Variants in IGF1R observed in about 807,000 individuals in gnomAD.
IGF1R encodes the protein insulin-like growth factor 1 receptor.
In IGF1R, 44 loss-of-function variants were observed where a neutral mutation model predicts 144.6. The observed-to-expected ratio is 0.30, with a 90% CI of 0.24 to 0.39. The LOEUF is 0.39. IGF1R is among the 10% of genes least tolerant of loss of function. The pLI is 1.00. For missense variants in IGF1R, 1,355 were observed against 1,833.7 expected, an observed-to-expected ratio of 0.74 and a Z score of 4.77; for synonymous variants, 795 against 722.8, an observed-to-expected ratio of 1.10 and a Z score of -1.60.
At chr15:98,791,957 A>G (rs1224914964) in intron 2 of IGF1R, among the ~76,000 whole-genome samples, 1 of 152,224 alleles carries the variant, frequency 6.6e-6, no homozygotes, top group African/African-American at 2.4e-5. Context: ...CAATCTAGCT[A>G]TAGGTCCTCA....
At chr15:98,829,526 G>A (rs992061208) in intron 2 of IGF1R, among the ~76,000 whole-genome samples, 2 of 152,158 alleles carry the variant, frequency 1.3e-5, no homozygotes, top group African/African-American at 2.4e-5. Flanking sequence ...TTCAGAGTGC[G>A]GGTCTGTGGG....
At chr15:98,725,163 G>C (rs1041985339) in intron 2 of IGF1R, among the ~76,000 whole-genome samples, 1 of 152,158 alleles carries the variant, frequency 6.6e-6, no homozygotes, top group African/African-American at 2.4e-5. Context: ...GAGGGGATTC[G>C]TGCAGTTTGC....
chr15:98,962,003 C>G lies in IGF1R; in HGVS notation c.*4561C>G. The G allele has an allele frequency of 4.3e-6, 1 of 233,298 alleles. No homozygotes were observed. 14.5% of individuals were successfully genotyped at this position (233,298 alleles called of 1,614,324 possible). ...GCTTTGGGATAAAAGATTTATGAGC[C>G]AACTATTCTCTGGCACCAGATTCTA... On this transcript the variant is annotated 3_prime_UTR_variant, in exon 21 of 21. Coordinates refer to ENST00000650285, the MANE Select transcript of IGF1R (RefSeq NM_000875.5).
chr15:98,700,356 G>A (rs990869639), intron 1 of IGF1R, among the ~76,000 whole-genome samples: 1 of 152,116 alleles, frequency 6.6e-6, no homozygotes, highest in African/African-American at 2.4e-5. Context: ...GAAGTAACAG[G>A]TGCACAGGCT....
intron 2 of IGF1R, among the ~76,000 whole-genome samples, chr15:98,800,831 G>C (rs899487057): frequency 6.6e-6 from 1 of 152,200 alleles, no homozygotes; most frequent in African/African-American, 2.4e-5. Context: ...AGGCCCAGAA[G>C]GGGGAGGAGA....
chr15:98,930,168 G>T, intron 14 of IGF1R, 67 bp from the exon 15 acceptor site: 1 of 1,069,546 alleles, frequency 9.3e-7, no homozygotes, highest in South Asian at 1.3e-5. Context: ...TTGTAGCGAA[G>T]ATGAAAGTAT....
chr15:98,931,357 GATT>G (rs1567206863), intron 15 of IGF1R, among the ~76,000 whole-genome samples: 2 of 152,110 alleles, frequency 1.3e-5, no homozygotes. Context: ...AAAGAGACAT[GATT>G]ATTCTAATTA....
intron 20 of IGF1R, among the ~76,000 whole-genome samples, chr15:98,954,955 T>C (rs2016922167): frequency 6.6e-6 from 1 of 152,112 alleles, no homozygotes; most frequent in Non-Finnish European, 1.5e-5. Context: ...TACTCTTATT[T>C]AGGTTGAGAA....
chr15:98,840,677 G>GTTT (rs58919638), intron 2 of IGF1R, among the ~76,000 whole-genome samples: 2 of 131,256 alleles, frequency 1.5e-5, no homozygotes, highest in African/African-American at 5.6e-5. Flanking sequence ...TTTTTGTTTT[G>GTTT]TTTTTTTTTT....
At chr15:98,658,531 A>C (rs1487844951) in intron 1 of IGF1R, among the ~76,000 whole-genome samples, 2 of 152,242 alleles carry the variant, frequency 1.3e-5, no homozygotes, top group Admixed American at 1.3e-4. Flanking sequence ...TTAAATTGAA[A>C]TAATTTCCAA....
At chr15:98,800,603 G>C (rs1439732316) in intron 2 of IGF1R, among the ~76,000 whole-genome samples, 1 of 152,184 alleles carries the variant, frequency 6.6e-6, no homozygotes, top group Non-Finnish European at 1.5e-5. Flanking sequence ...AACCGCCACT[G>C]AACAGCTCTG....
intron 3 of IGF1R, among the ~76,000 whole-genome samples, chr15:98,896,294 T>C (rs999086932): frequency 6.6e-6 from 1 of 152,226 alleles, no homozygotes; most frequent in Non-Finnish European, 1.5e-5. Flanking sequence ...AGACTACTGT[T>C]AGGCAGAGAC....
chr15:98,661,553 G>A (rs943135579), intron 1 of IGF1R, among the ~76,000 whole-genome samples: 4 of 152,172 alleles, frequency 2.6e-5, no homozygotes, highest in East Asian at 1.9e-4. Context: ...ATGCTGAACC[G>A]GCTGGATGTG....
chr15:98,695,676 T>C (rs894780951), intron 1 of IGF1R, among the ~76,000 whole-genome samples: 1 of 152,190 alleles, frequency 6.6e-6, no homozygotes, highest in East Asian at 1.9e-4. Flanking sequence ...TCCACAGGAA[T>C]CTTCATTACC....
In IGF1R at chr15:98,844,512, G is replaced by A. The variant is rs1000322165; in HGVS notation, c.641-46813G>A. On this transcript the variant is annotated intron_variant, in intron 2 of 20. Coordinates refer to ENST00000650285, the MANE Select transcript of IGF1R (RefSeq NM_000875.5). The stretch of plus-strand genomic sequence containing the variant: ...CTAAATACACTTTTTTCCTAATCTA[G>A]GAGGCATGTCTACTTACAAATAAAT... 9.2e-5 allele frequency among the ~76,000 whole-genome samples: 14 copies of A among 152,160 alleles called. No individual in the cohort carries two copies. In the East Asian group the frequency reaches 2.7e-3, roughly 29 times the overall value.
chr15:98,677,257 A>G (rs538721778), intron 1 of IGF1R, among the ~76,000 whole-genome samples: 2 of 152,162 alleles, frequency 1.3e-5, no homozygotes, highest in South Asian at 4.2e-4. Flanking sequence ...CTTTTAGGTG[A>G]TTATTGGTTG....
chr15:98,838,318 C>G (rs892995132), intron 2 of IGF1R, among the ~76,000 whole-genome samples: 1 of 152,212 alleles, frequency 6.6e-6, no homozygotes, highest in Non-Finnish European at 1.5e-5. Flanking sequence ...ATGACATCTG[C>G]ATCCTTCATG....
At chr15:98,751,702 G>C (rs2055015897) in intron 2 of IGF1R, among the ~76,000 whole-genome samples, 1 of 152,108 alleles carries the variant, frequency 6.6e-6, no homozygotes, top group Non-Finnish European at 1.5e-5. Context: ...TCAGTTTAAA[G>C]CTCTTGACCC....
At chr15:98,854,640 G>A (rs1276441861) in intron 2 of IGF1R, among the ~76,000 whole-genome samples, 1 of 152,196 alleles carries the variant, frequency 6.6e-6, no homozygotes, top group Admixed American at 6.5e-5. Context: ...GTGCCAGTAA[G>A]TCACGTCTGA....
Sources: gnomAD v4.1 joint callset for allele counts (sites outside exome capture counted in the v4.1 genomes callset) on GRCh38, gnomAD v4.1.1 for gene constraint, MANE v1.5 for transcripts, NCBI Gene and HGNC (gene_info 2026-07-23, HGNC 2026-07-21) for gene names.